Variants in FOXP1 observed in about 807,000 individuals in gnomAD.
The protein encoded by FOXP1 is forkhead box protein P1.
A neutral mutation model predicts 98.2 loss-of-function variants in FOXP1; 15 were observed. The observed-to-expected ratio is 0.15, with a 90% CI of 0.10 to 0.24. The LOEUF (loss-of-function observed/expected upper bound fraction) is 0.24, where lower values mean the gene tolerates loss of function less well. FOXP1 is among the 10% of genes least tolerant of loss of function. FOXP1 has a pLI of 1.00. For synonymous variants in FOXP1, 371 were observed against 314.5 expected (o/e 1.18, Z -1.90); for missense variants, 633 against 848.5 (o/e 0.75, Z 3.15).
chr3:71,503,391 A>C (rs146305981), intron 2 of FOXP1, among the ~76,000 whole-genome samples: 174 of 152,260 alleles, frequency 1.1e-3, no homozygotes, highest in Non-Finnish European at 2.3e-3. Context: ...GCTCAAGTTA[A>C]GTTAAAAAGC....
chr3:71,551,975 C>T (rs1209935614), intron 2 of FOXP1, among the ~76,000 whole-genome samples: 5 of 152,090 alleles, frequency 3.3e-5, no homozygotes, highest in Non-Finnish European at 7.4e-5. Context: ...TTATTTTATC[C>T]TAATTTTCTG....
At chr3:71,346,116 TAGCATGCTTATGTAAGAAAAACAAAGAGC>T (rs1161861225) in intron 4 of FOXP1, among the ~76,000 whole-genome samples, 1 of 152,202 alleles carries the variant, frequency 6.6e-6, no homozygotes, top group Non-Finnish European at 1.5e-5. Flanking sequence ...TGGGAGGGGC[TAGCATGCTTATGTAAGAAAAACAAAGAGC>T]AGCTTGCATA....
At chr3:71,456,594 G>A (rs188678778) in intron 3 of FOXP1, among the ~76,000 whole-genome samples, 1 of 152,208 alleles carries the variant, frequency 6.6e-6, no homozygotes, top group East Asian at 1.9e-4. Flanking sequence ...TGGGGACTCA[G>A]GACAATGTAT....
chr3:71,017,722 A>G (rs2107760392), intron 11 of FOXP1, among the ~76,000 whole-genome samples: 1 of 152,248 alleles, frequency 6.6e-6, no homozygotes, highest in Non-Finnish European at 1.5e-5. Context: ...TTGGACATTG[A>G]GTTTCTCTTC....
At chr3:71,145,393 T>C (rs1004268198) in intron 6 of FOXP1, among the ~76,000 whole-genome samples, 2 of 151,980 alleles carry the variant, frequency 1.3e-5, no homozygotes, top group Non-Finnish European at 2.9e-5. Flanking sequence ...AAAAATTAGC[T>C]GGGCGTGGTG....
chr3:71,314,533 AT>A lies in FOXP1; in HGVS notation c.-72-14654del, dbSNP rs756679295. ...CAGAGTAAGACTCCGTCTAAAAAAT[AT>A]ATATATATATATATATATCTGGCTG... On this transcript the variant is annotated intron_variant, in intron 4 of 20. Transcript: ENST00000649528. Among the ~76,000 whole-genome samples, 1,078 of 148,430 alleles carry A rather than the reference AT, an allele frequency of 7.3e-3. 30 individuals carry two copies. The highest frequency in any genetic ancestry group is 4.7e-3 in the Non-Finnish European group (317 of 66,916).
At position 70,957,919 on chromosome 3, in the gene FOXP1, C is replaced by G. The variant is rs1426305393; in HGVS notation, c.*1328G>C. ...AACAGTTTAATGCCACCAAGTAGGT[C>G]TGAACTAATGTATAAACTCAGCGCC... On this transcript the variant is annotated 3_prime_UTR_variant, in exon 21 of 21. Coordinates refer to ENST00000649528, the MANE Select transcript of FOXP1 (RefSeq NM_001349338.3). 1 of 236,982 alleles carries G rather than the reference C, an allele frequency of 4.2e-6. No individual in the cohort carries two copies. The highest frequency in any genetic ancestry group is 8.3e-6 in the Non-Finnish European group (1 of 120,278). The allele number at this position is 236,982 out of a possible 1,614,324, so 14.7% of individuals were successfully genotyped here.
At chr3:70,994,926 A>C (rs982925458) in intron 13 of FOXP1, among the ~76,000 whole-genome samples, 1 of 152,230 alleles carries the variant, frequency 6.6e-6, no homozygotes, top group Non-Finnish European at 1.5e-5. Context: ...GCAATGTCAC[A>C]TGATCACAGA....
chr3:71,505,328 TCCC>T (rs1272387439), intron 2 of FOXP1, among the ~76,000 whole-genome samples: 1 of 147,770 alleles, frequency 6.8e-6, no homozygotes, highest in Non-Finnish European at 1.5e-5. Context: ...ACAGGACATC[TCCC>T]CCAAGACAGG....
intron 6 of FOXP1, among the ~76,000 whole-genome samples, chr3:71,175,024 T>A (rs149088184): frequency 0.018 from 2,762 of 151,954 alleles, 32 homozygotes; most frequent in South Asian, 0.044. Flanking sequence ...GCCATTCTCC[T>A]GCCTCAGCCT....
chr3:71,438,791 G>C (rs1268376999), intron 3 of FOXP1, among the ~76,000 whole-genome samples: 1 of 151,054 alleles, frequency 6.6e-6, no homozygotes, highest in East Asian at 1.9e-4. Context: ...TCAACATATT[G>C]CTTTTTTGCT....
chr3:71,480,714 C>A (rs2090203564), intron 3 of FOXP1, among the ~76,000 whole-genome samples: 1 of 152,180 alleles, frequency 6.6e-6, no homozygotes. Flanking sequence ...TAACTCTCCT[C>A]AAATCTTTCA....
intron 13 of FOXP1, among the ~76,000 whole-genome samples, chr3:71,000,052 T>C (rs2041915181): frequency 6.6e-6 from 1 of 152,206 alleles, no homozygotes; most frequent in Non-Finnish European, 1.5e-5. Context: ...GTTGCAATTG[T>C]ACATTTTAAT....
intron 2 of FOXP1, among the ~76,000 whole-genome samples, chr3:71,561,120 G>C (rs541106714): frequency 6.6e-6 from 1 of 151,942 alleles, no homozygotes; most frequent in Non-Finnish European, 1.5e-5. Flanking sequence ...GTAGTGGCAC[G>C]ATCTCGGCTC....
At chr3:71,276,653 GT>G (rs1483785047) in intron 5 of FOXP1, among the ~76,000 whole-genome samples, 1 of 151,898 alleles carries the variant, frequency 6.6e-6, no homozygotes, top group Non-Finnish European at 1.5e-5. Flanking sequence ...TATATGCATG[GT>G]GATGCATAGA....
chr3:71,553,366 C>G (rs1414264189), intron 2 of FOXP1, among the ~76,000 whole-genome samples: 1 of 152,018 alleles, frequency 6.6e-6, no homozygotes, highest in East Asian at 1.9e-4. Context: ...AATTGTAGGC[C>G]TCATCAATTT....
chr3:71,245,159 A>G (rs539953197), intron 5 of FOXP1: 3 of 152,246 alleles, frequency 2.0e-5, no homozygotes, highest in East Asian at 1.9e-4. Flanking sequence ...TTTGTTTCTT[A>G]TTGTCTGAGA....
chr3:71,074,804 A>T (rs898657251), intron 7 of FOXP1, among the ~76,000 whole-genome samples: 7 of 152,182 alleles, frequency 4.6e-5, no homozygotes, highest in African/African-American at 1.7e-4. Context: ...CACAGTGACA[A>T]CCCACAACTG....
chr3:71,091,397 G>GCAGAA (rs899229631), intron 7 of FOXP1, among the ~76,000 whole-genome samples: 1 of 152,034 alleles, frequency 6.6e-6, no homozygotes, highest in Non-Finnish European at 1.5e-5. Flanking sequence ...GGAGGCTGAG[G>GCAGAA]CAGAAGTGCT....
Sources: allele counts gnomAD v4.1 joint callset (sites outside exome capture counted in the v4.1 genomes callset), GRCh38; gene constraint gnomAD v4.1.1; transcripts MANE v1.5; gene names NCBI Gene and HGNC (gene_info 2026-07-23, HGNC 2026-07-21).